The following LZTR1 variants were observed in gnomAD, a reference collection of about 807,000 sequenced individuals.
LZTR1 encodes leucine zipper like post translational regulator 1.
Under a neutral mutation model 105.7 loss-of-function variants are expected in LZTR1, and 260 were observed. That is an observed-to-expected ratio of 2.46 (90% CI 2.22 to 2.72). LZTR1 has a LOEUF of 2.72. Ranked by LOEUF, LZTR1 falls within the 30% of genes most tolerant of loss-of-function variation. The pLI is 0.00. For synonymous variants in LZTR1, 490 were observed against 476.4 expected (o/e 1.03, Z -0.37); for missense variants, 1,214 against 1,166.9 (o/e 1.04, Z -0.59).
At chr22:20,995,654 G>C in intron 16 of LZTR1, 92 bp from the exon 17 acceptor site, 1 of 1,499,188 alleles carries the variant, frequency 6.7e-7, no homozygotes, top group Non-Finnish European at 9.2e-7. Flanking sequence ...GTTCAGGGCA[G>C]CAACATGGGC....
Position 20,986,979 on chromosome 22 carries a change from G to A in LZTR1, c.321-525G>A, listed in dbSNP as rs117418661. 1,313 of 152,492 alleles carry A rather than the reference G, an allele frequency of 8.6e-3. 5 individuals carry two copies. Among genetic ancestry groups the A allele is most frequent in the South Asian group, 0.015 (71 of 4,836 alleles). The allele number at this position is 152,492 out of a possible 1,614,324, so 9.4% of individuals were successfully genotyped here. ...TGTGCAGGGAAGACCTCAAGGTGTTGCCAGAGGTTTTCTGGTAATGGGAAT... is the reference window on the plus strand; with the variant it reads ...TGTGCAGGGAAGACCTCAAGGTGTTACCAGAGGTTTTCTGGTAATGGGAAT... On this transcript the variant is annotated intron_variant, in intron 3 of 20. Transcript: ENST00000646124.
rs745541065 is a variant in LZTR1 at position 20,988,877 on chromosome 22, G to A, written c.593+5G>A. 6 of 1,613,500 alleles carry A rather than the reference G, an allele frequency of 3.7e-6. No homozygotes were observed. Among genetic ancestry groups the A allele is most frequent in the Admixed American group, 1.7e-5 (1 of 60,032 alleles). On this transcript the variant is annotated splice_donor_5th_base_variant and intron_variant, in intron 6 of 20. Transcript: ENST00000646124. Reference sequence around the variant, plus strand: ...TGGCTATGACGGCAACGCCAGGTGGGTGGTGGTCCGGCCTGTGCACCCCAC... The same window carrying A: ...TGGCTATGACGGCAACGCCAGGTGGATGGTGGTCCGGCCTGTGCACCCCAC...
At chr22:20,990,147 A>G (rs373343578) in intron 7 of LZTR1, among the ~76,000 whole-genome samples, 15 of 152,276 alleles carry the variant, frequency 9.9e-5, no homozygotes, top group Admixed American at 1.3e-4. Flanking sequence ...CTGGGCATGA[A>G]AAACATGAGT....
At chr22:20,996,583 G>C in intron 18 of LZTR1, 113 bp from the exon 19 acceptor site, 1 of 781,050 alleles carries the variant, frequency 1.3e-6, no homozygotes, top group Non-Finnish European at 2.2e-6. Flanking sequence ...GAATCCATTT[G>C]GAGAGCATGC....
chr22:20,991,593 T>C lies in LZTR1; in HGVS notation c.792-35T>C, dbSNP rs749090005. 4 of 1,492,980 alleles carry C rather than the reference T, an allele frequency of 2.7e-6. No individual in the cohort carries two copies. In the South Asian group the frequency reaches 5.0e-5, roughly 19 times the overall value. The allele number at this position is 1,492,980 out of a possible 1,614,324, so 92.5% of individuals were successfully genotyped here. ...GGCCCCGAGGGTGAGCAGGAGCCCC[T>C]GTCCCAGCATTGATTCACTGTTGTG... On this transcript the variant is annotated intron_variant, in intron 8 of 20. Coordinates refer to ENST00000646124, the MANE Select transcript of LZTR1 (RefSeq NM_006767.4).
chr22:20,984,805 C>T (rs533275710), intron 2 of LZTR1, among the ~76,000 whole-genome samples: 5 of 152,174 alleles, frequency 3.3e-5, no homozygotes, highest in African/African-American at 1.2e-4. Flanking sequence ...CATGACGGGG[C>T]ACTGGGCTCC....
At position 20,993,671 on chromosome 22, in the gene LZTR1, T is replaced by TA. The variant is rs1315527386; in HGVS notation, c.1271dup (p.Tyr424Ter). The change falls in exon 12 of 21, where the codon TAC (tyrosine) becomes TAAC (stop). Residue 424 changes from tyrosine to a stop codon, truncating the protein, a stop_gained and frameshift_variant. Transcript: ENST00000646124. LOFTEE classifies it high-confidence loss of function. ...GEMYRFQFSC[Y>*]PKCTLHEDYG... ...TGGGCCCCTCTTGCAGTTCTCCTGT[T>TA]ACCCTAAATGCACGCTGCACGAGGA... 6.2e-7 allele frequency: 1 copy of TA among 1,613,350 alleles called. No individual in the cohort carries two copies. The highest frequency in any genetic ancestry group is 8.5e-7 in the Non-Finnish European group (1 of 1,179,780).
rs1425031926 is a variant in LZTR1 at position 20,988,013 on chromosome 22, G to T, written c.404G>T (p.Gly135Val). Residue 135 changes from glycine (G) to valine (V), a missense_variant, in exon 5 of 21, where the codon GGT becomes GTT. Gly to Val is a moderately radical substitution (Grantham distance 109). Coordinates refer to ENST00000646124, the MANE Select transcript of LZTR1 (RefSeq NM_006767.4). ...VYGSSMFVFGGYTGDIYSNSN... is the reference protein window; with the variant it reads ...VYGSSMFVFGVYTGDIYSNSN... The stretch of plus-strand genomic sequence containing the variant: ...GTTTCTCACTCTCTTTACTCAGGGG[G>T]TTACACTGGGGACATTTATTCCAAT... The T allele has an allele frequency of 1.3e-6, 2 of 1,589,008 alleles. No individual in the cohort carries two copies. Among genetic ancestry groups the T allele is most frequent in the African/African-American group, 1.3e-5 (1 of 74,548 alleles).
intron 11 of LZTR1, 79 bp downstream of exon 11, chr22:20,992,983 C>A: frequency 1.0e-6 from 1 of 993,656 alleles, no homozygotes; most frequent in Non-Finnish European, 1.5e-6. Flanking sequence ...AGTTGGGGGG[C>A]AGGGCTTATC....
At chr22:20,989,404 A>C in intron 6 of LZTR1, among the ~76,000 whole-genome samples, 1 of 152,212 alleles carries the variant, frequency 6.6e-6, no homozygotes, top group East Asian at 1.9e-4. Context: ...GATGTCATGC[A>C]TGAGAGTACT....
intron 7 of LZTR1, 134 bp from the exon 8 acceptor site, chr22:20,990,252 A>G: frequency 9.6e-7 from 1 of 1,037,824 alleles, no homozygotes. Context: ...AGCTGTTCCA[A>G]GACAAAGGAA....
intron 14 of LZTR1, 100 bp downstream of exon 14, chr22:20,994,369 CCT>C (rs766122099): frequency 1.4e-5 from 19 of 1,394,466 alleles, no homozygotes; most frequent in Non-Finnish European, 1.9e-5. Flanking sequence ...TGATGGGCCC[CCT>C]GAGGCTCAGA....
intron 4 of LZTR1, 47 bp from the exon 5 acceptor site, chr22:20,987,963 C>A: frequency 8.4e-7 from 1 of 1,185,828 alleles, no homozygotes; most frequent in Non-Finnish European, 1.2e-6. Flanking sequence ...TTTGAAATCT[C>A]CAAGACTGCC....
intron 10 of LZTR1, 28 bp downstream of exon 10, chr22:20,992,397 C>A: frequency 6.3e-7 from 1 of 1,598,496 alleles, no homozygotes; most frequent in Non-Finnish European, 8.5e-7. Flanking sequence ...CATTAAGACT[C>A]CATCACCCCC....
chr22:20,995,148 C>A, intron 16 of LZTR1, 122 bp downstream of exon 16: 1 of 1,088,332 alleles, frequency 9.2e-7, no homozygotes, highest in Non-Finnish European at 1.3e-6. Context: ...GCCATGGGAC[C>A]CCAGAGTGCT....
In LZTR1 at chr22:20,982,346, C is replaced by G; in HGVS notation, c.-26C>G. On this transcript the variant is annotated 5_prime_UTR_variant, in exon 1 of 21. Transcript: ENST00000646124. ...CGGTGGCCGCAAGTTGGGCTTACAG[C>G]GCGGCCGATCCGGCGTGGACCCGGG... The G allele has an allele frequency of 6.5e-7, 1 of 1,528,686 alleles. No individual in the cohort carries two copies. 94.7% of individuals were successfully genotyped at this position (1,528,686 alleles called of 1,614,324 possible).
rs1265536815 is a variant in LZTR1 at position 20,994,139 on chromosome 22, G to A, written c.1485G>A (p.Glu495=). 1.3e-6 allele frequency: 2 copies of A among 1,589,588 alleles called. No homozygotes were observed. Among genetic ancestry groups the A allele is most frequent in the South Asian group, 2.2e-5 (2 of 89,084 alleles). ...AGGAGGCCGCCCCAGTTCCCAGGGA[G>A]GCCCCCGGCGTGGCTGCTGGTGGGG... ...LEQEAAPVPR[E]APGVAAGGAR... is the part of the protein sequence containing the mutation. Residue 495 remains glutamate, a synonymous_variant, in exon 14 of 21, where the codon GAG becomes GAA. Coordinates refer to ENST00000646124, the MANE Select transcript of LZTR1 (RefSeq NM_006767.4).
intron 4 of LZTR1, 127 bp downstream of exon 4, chr22:20,987,710 T>G: frequency 1.1e-6 from 1 of 880,298 alleles, no homozygotes; most frequent in Admixed American, 2.0e-5. Flanking sequence ...ACCCGTGGCT[T>G]TGTCTGCCAG....
chr22:20,996,902 A>T lies in LZTR1; in HGVS notation c.2342A>T (p.Asp781Val), dbSNP rs775896601. 6 of 1,612,484 alleles carry T rather than the reference A, an allele frequency of 3.7e-6. No individual in the cohort carries two copies. The highest frequency in any genetic ancestry group is 5.1e-6 in the Non-Finnish European group (6 of 1,179,016). Residue 781 changes from aspartate to valine, a missense_variant, in exon 20 of 21, where the codon GAC (aspartate) becomes GTC (valine). Asp to Val is a radical substitution (Grantham distance 152). Transcript: ENST00000646124. ...QNVLQILEAADKTQALDMKRH... is the reference protein window; with the variant it reads ...QNVLQILEAAVKTQALDMKRH... ...CCATTGCAGATCCTGGAGGCAGCTGACAAAACGCAGGCACTGGACATGAAG... is the reference window on the plus strand; with the variant it reads ...CCATTGCAGATCCTGGAGGCAGCTGTCAAAACGCAGGCACTGGACATGAAG...
Sources: gnomAD v4.1 joint callset for allele counts (sites outside exome capture counted in the v4.1 genomes callset) on GRCh38, gnomAD v4.1.1 for gene constraint, MANE v1.5 for transcripts, NCBI Gene and HGNC (gene_info 2026-07-23, HGNC 2026-07-21) for gene names.